Variants in CALM2 observed in about 807,000 individuals in gnomAD.
CALM2 encodes the protein calmodulin 2, also known as calmodulin-2.
In CALM2, 2 loss-of-function variants were observed where a neutral mutation model predicts 19.8. The observed-to-expected ratio is 0.10, with a 90% CI of 0.04 to 0.32. The LOEUF is 0.32. Ranked by LOEUF, CALM2 falls within the 10% of genes least tolerant of loss-of-function variation. CALM2 has a pLI of 1.00. For synonymous variants in CALM2, 51 were observed against 52.1 expected, an observed-to-expected ratio of 0.98 and a Z score of 0.09; for missense variants, 38 against 178.7, an observed-to-expected ratio of 0.21 and a Z score of 4.49.
intron 4 of CALM2, 122 bp from the exon 5 acceptor site, chr2:47,161,980 A>G: frequency 1.3e-6 from 1 of 792,916 alleles, no homozygotes; most frequent in Non-Finnish European, 2.0e-6. Flanking sequence ...AAATGCATAC[A>G]AATCTACACA....
intron 2 of CALM2, among the ~76,000 whole-genome samples, chr2:47,164,244 A>T (rs1049181692): frequency 2.6e-5 from 2 of 78,090 alleles, no homozygotes; most frequent in Non-Finnish European, 3.5e-5. Flanking sequence ...TCTCAAAAAA[A>T]AAAAAAAAGA....
intron 1 of CALM2, chr2:47,171,711 C>G (rs957485104): frequency 6.6e-6 from 1 of 152,128 alleles, no homozygotes; most frequent in East Asian, 1.9e-4. Flanking sequence ...TTGAGAAGCA[C>G]AGACAAGAAA....
chr2:47,162,265 C>T, intron 4 of CALM2, 21 bp downstream of exon 4: 2 of 1,196,482 alleles, frequency 1.7e-6, no homozygotes, highest in South Asian at 1.4e-5. Flanking sequence ...CAAAATTTAA[C>T]ATATCCAGTC....
At chr2:47,175,682 C>A (rs1353310009) in intron 1 of CALM2, among the ~76,000 whole-genome samples, 2 of 151,056 alleles carry the variant, frequency 1.3e-5, no homozygotes, top group African/African-American at 4.8e-5. Flanking sequence ...GTCGAGGCCC[C>A]CCTCCCCCGC....
chr2:47,161,627 A>AGGG lies in CALM2; in HGVS notation c.421+93_421+95dup, dbSNP rs1289216990. The AGGG allele has an allele frequency of 0.03, 32,879 of 1,094,612 alleles. 5,709 individuals are homozygous for AGGG. In the African/African-American group the frequency reaches 0.35, roughly 12 times the overall value. The allele number at this position is 1,094,612 out of a possible 1,614,324, so 67.8% of individuals were successfully genotyped here. A position where few individuals can be genotyped will look rare whatever the true frequency, so the allele number is the denominator to read the frequency against. Reference sequence around the variant, plus strand: ...GTAACTGTTTTAGCAACCTAATTTCAGGGGAAGGGTCACTAATTTCGATCA... The same window carrying AGGG: ...GTAACTGTTTTAGCAACCTAATTTCAGGGGGGGAAGGGTCACTAATTTCGATCA... On this transcript the variant is annotated intron_variant, in intron 5 of 5. Coordinates refer to ENST00000272298, the MANE Select transcript of CALM2 (RefSeq NM_001743.6).
intron 1 of CALM2, among the ~76,000 whole-genome samples, chr2:47,175,534 A>C (rs941720569): frequency 2.0e-5 from 3 of 152,172 alleles, no homozygotes; most frequent in African/African-American, 7.2e-5. Flanking sequence ...CCTGACTTCA[A>C]GGGTAAGACT....
At chr2:47,170,844 C>T in intron 1 of CALM2, 80 bp from the exon 2 acceptor site, 1 of 1,092,252 alleles carries the variant, frequency 9.2e-7, no homozygotes, top group Non-Finnish European at 1.4e-6. Context: ...TAAAACCTTT[C>T]AAGGGTTACC....
Position 47,160,683 on chromosome 2 carries a change from G to T in CALM2, c.*93C>A. 1 of 670,326 alleles carries T rather than the reference G, an allele frequency of 1.5e-6. No individual in the cohort carries two copies. Among genetic ancestry groups the T allele is most frequent in the Non-Finnish European group, 2.5e-6 (1 of 401,512 alleles). 41.5% of individuals were successfully genotyped at this position (670,326 alleles called of 1,614,324 possible). On this transcript the variant is annotated 3_prime_UTR_variant, in exon 6 of 6. Transcript: ENST00000272298. ...ACTATACATGCATATTTTTTTGACA[G>T]TAGGGAGAAACCTTTTACAGATAAG...
In CALM2 at chr2:47,162,547, C is replaced by T. The variant is rs753038703; in HGVS notation, c.150G>A (p.Gln50=). The T allele has an allele frequency of 6.2e-7, 1 of 1,614,148 alleles. No homozygotes were observed. Among genetic ancestry groups the T allele is most frequent in the South Asian group, 1.1e-5 (1 of 91,082 alleles). ...LGQNPTEAEL[Q]DMINEVDADG... is the part of the protein sequence containing the mutation. ...CAGCATCTACTTCATTAATCATGTC[C>T]TGTAACTCTGCTTCTGTGGGATTCT... The change falls in exon 3 of 6, where the codon CAG becomes CAA. Residue 50 remains glutamine, a synonymous_variant. Coordinates refer to ENST00000272298, the MANE Select transcript of CALM2 (RefSeq NM_001743.6).
intron 1 of CALM2, 175 bp from the exon 2 acceptor site, chr2:47,170,939 C>A: frequency 1.6e-6 from 1 of 617,496 alleles, no homozygotes; most frequent in Non-Finnish European, 3.0e-6. Context: ...CAAAGCTAAG[C>A]TGTCTTAACT....
chr2:47,176,532 A>G, upstream of CALM2: 4 of 1,581,568 alleles, frequency 2.5e-6, no homozygotes, highest in Non-Finnish European at 2.6e-6. Context: ...CTCCGCCCCC[A>G]GCGCCTCATA....
chr2:47,164,491 G>T (rs1666392465), intron 2 of CALM2, among the ~76,000 whole-genome samples: 1 of 151,850 alleles, frequency 6.6e-6, no homozygotes, highest in African/African-American at 2.4e-5. Flanking sequence ...CAGCTACTGG[G>T]GAGGCTGCAG....
upstream of CALM2, chr2:47,176,541 TA>T: frequency 6.4e-7 from 1 of 1,573,156 alleles, no homozygotes; most frequent in Non-Finnish European, 8.6e-7. Context: ...CAGCGCCTCA[TA>T]AACACCTCCC....
At chr2:47,166,038 T>C (rs561057896) in intron 2 of CALM2, among the ~76,000 whole-genome samples, 1 of 152,322 alleles carries the variant, frequency 6.6e-6, no homozygotes, top group African/African-American at 2.4e-5. Context: ...GAGGAACTCA[T>C]CTAATACCAA....
chr2:47,175,669 AC>A (rs1465607078), intron 1 of CALM2, among the ~76,000 whole-genome samples: 1 of 151,082 alleles, frequency 6.6e-6, no homozygotes, highest in Non-Finnish European at 1.5e-5. Context: ...GGGATGGGAA[AC>A]CGTCGAGGCC....
At chr2:47,173,989 T>C (rs1379311982) in intron 1 of CALM2, 1 of 152,208 alleles carries the variant, frequency 6.6e-6, no homozygotes, top group Non-Finnish European at 1.5e-5. Flanking sequence ...GAGCTTTCTA[T>C]ATTTTAAAAG....
At chr2:47,161,272 AC>A in intron 5 of CALM2, among the ~76,000 whole-genome samples, 1 of 152,230 alleles carries the variant, frequency 6.6e-6, no homozygotes, top group Non-Finnish European at 1.5e-5. Context: ...GTTAGTAGAT[AC>A]GATACTTTTG....
Position 47,161,946 on chromosome 2 carries a change from C to T in CALM2, c.286-88G>A, listed in dbSNP as rs1442824814. On this transcript the variant is annotated intron_variant, in intron 4 of 5. Transcript: ENST00000272298. Reference sequence around the variant, plus strand: ...TTATTAAGTTTACTACTAAATTTCACATTGGGGGAAAAACATACTTTAGAA... The same window carrying T: ...TTATTAAGTTTACTACTAAATTTCATATTGGGGGAAAAACATACTTTAGAA... 7 of 1,081,902 alleles carry T rather than the reference C, an allele frequency of 6.5e-6. No homozygotes were observed. In the East Asian group the frequency reaches 9.7e-5, roughly 15 times the overall value. The allele number at this position is 1,081,902 out of a possible 1,614,324, so 67.0% of individuals were successfully genotyped here.
rs554708053 is a variant in CALM2, at chr2:47,161,578, G to C, written c.421+145C>G. 4.2e-5 allele frequency: 28 copies of C among 658,944 alleles called. No homozygotes were observed. The East Asian group carries it at 5.8e-4, about 14-fold the overall frequency. 40.8% of individuals were successfully genotyped at this position (658,944 alleles called of 1,614,324 possible). On this transcript the variant is annotated intron_variant, in intron 5 of 5. Transcript: ENST00000272298. Reference sequence around the variant, plus strand: ...TTACCTAGTCTGCAGACAACACTCTGAATTTTAAGAAGGTTAAATGTAAGT... The same window carrying C: ...TTACCTAGTCTGCAGACAACACTCTCAATTTTAAGAAGGTTAAATGTAAGT...
Sources: allele counts gnomAD v4.1 joint callset (sites outside exome capture counted in the v4.1 genomes callset), GRCh38; gene constraint gnomAD v4.1.1; transcripts MANE v1.5; gene names NCBI Gene and HGNC (gene_info 2026-07-23, HGNC 2026-07-21).